GRID1: variants seen among roughly 807,000 people sequenced by gnomAD.
The protein encoded by GRID1 is glutamate receptor ionotropic, delta-1.
Under a neutral mutation model 98.0 loss-of-function variants are expected in GRID1, and 28 were observed. The observed-to-expected ratio is 0.29, with a 90% CI of 0.21 to 0.39. The LOEUF is 0.39. Among genes scored for constraint, GRID1 ranks in the 10% least tolerant of loss-of-function variants. The probability of loss-of-function intolerance (pLI) is 1.00; values close to 1 mark genes in which losing one functional copy is unlikely to be tolerated. For synonymous variants in GRID1, 553 were observed against 538.5 expected, an observed-to-expected ratio of 1.03 and a Z score of -0.37; for missense variants, 1,111 against 1,340.5, an observed-to-expected ratio of 0.83 and a Z score of 2.67.
At chr10:85,643,015 T>C (rs767852915) in intron 13 of GRID1, among the ~76,000 whole-genome samples, 1 of 152,096 alleles carries the variant, frequency 6.6e-6, no homozygotes, top group South Asian at 2.1e-4. Flanking sequence ...CGTGGACAAG[T>C]GATCACTCTA....
chr10:86,030,179 G>A (rs1843167299), intron 4 of GRID1, among the ~76,000 whole-genome samples: 1 of 152,212 alleles, frequency 6.6e-6, no homozygotes, highest in African/African-American at 2.4e-5. Context: ...GCTATGTAAA[G>A]AAGGTTATAA....
At chr10:86,034,417 A>G (rs1429516546) in intron 4 of GRID1, among the ~76,000 whole-genome samples, 2 of 152,188 alleles carry the variant, frequency 1.3e-5, no homozygotes, top group East Asian at 3.8e-4. Flanking sequence ...CACAGAGATC[A>G]CCTCACTGAA....
chr10:85,848,118 T>G (rs542777282), intron 8 of GRID1, among the ~76,000 whole-genome samples: 7 of 152,304 alleles, frequency 4.6e-5, no homozygotes, highest in African/African-American at 1.7e-4. Flanking sequence ...GCAAAAATGT[T>G]TAATATATAT....
chr10:86,273,409 G>T (rs1214133605), intron 2 of GRID1, among the ~76,000 whole-genome samples: 1 of 146,992 alleles, frequency 6.8e-6, no homozygotes, highest in African/African-American at 2.5e-5. Context: ...ATGATTTATA[G>T]TCCTTTGGGT....
At chr10:86,231,555 C>T (rs1380513245) in intron 2 of GRID1, among the ~76,000 whole-genome samples, 1 of 152,172 alleles carries the variant, frequency 6.6e-6, no homozygotes, top group Non-Finnish European at 1.5e-5. Context: ...AGTATTCAAG[C>T]AATGAGACAG....
intron 4 of GRID1, among the ~76,000 whole-genome samples, chr10:86,032,165 G>C (rs61856026): frequency 0.055 from 8,406 of 152,336 alleles, 288 homozygotes; most frequent in Middle Eastern, 0.082. Flanking sequence ...TGAATGGCAT[G>C]TAATAGGTGC....
rs992275466 is a variant in GRID1, at chr10:86,040,334, C to A, written c.726+98485G>T. On this transcript the variant is annotated intron_variant, in intron 4 of 15. Transcript: ENST00000327946. ...TGCTATTCACAATAGTCAAGATAAA[C>A]TTAGTGCCCATCAATGGATGAACAG... 2.6e-5 allele frequency among the ~76,000 whole-genome samples: 4 copies of A among 152,032 alleles called. No homozygotes were observed. In the East Asian group the frequency reaches 5.8e-4, roughly 22 times the overall value.
intron 15 of GRID1, among the ~76,000 whole-genome samples, chr10:85,611,224 T>G (rs1490462497): frequency 1.3e-5 from 2 of 152,164 alleles, no homozygotes; most frequent in African/African-American, 4.8e-5. Context: ...CTCACACACA[T>G]AGACCACAAC....
chr10:85,827,797 G>A (rs1842832958), intron 8 of GRID1, among the ~76,000 whole-genome samples: 1 of 151,886 alleles, frequency 6.6e-6, no homozygotes, highest in Admixed American at 6.6e-5. Flanking sequence ...GGTCTTCTAA[G>A]ACCTTGAAAA....
At chr10:86,279,462 A>G (rs1182561222) in intron 2 of GRID1, among the ~76,000 whole-genome samples, 1 of 152,228 alleles carries the variant, frequency 6.6e-6, no homozygotes, top group Non-Finnish European at 1.5e-5. Flanking sequence ...TTAACTTAAC[A>G]TTTGCAATCA....
At chr10:85,987,149 C>A (rs1842618128) in intron 4 of GRID1, among the ~76,000 whole-genome samples, 1 of 152,106 alleles carries the variant, frequency 6.6e-6, no homozygotes, top group African/African-American at 2.4e-5. Context: ...AGCTTGCCAG[C>A]CACCCAGCCC....
chr10:86,128,286 G>A (rs1177054341), intron 4 of GRID1, among the ~76,000 whole-genome samples: 1 of 152,022 alleles, frequency 6.6e-6, no homozygotes, highest in Non-Finnish European at 1.5e-5. Context: ...ATCTCCCTGG[G>A]GTAGGAAACC....
intron 4 of GRID1, among the ~76,000 whole-genome samples, chr10:86,078,603 A>T (rs987391876): frequency 3.9e-5 from 6 of 152,236 alleles, no homozygotes; most frequent in Non-Finnish European, 7.3e-5. Context: ...TTCCCTGAGC[A>T]AGGAATAAGA....
chr10:86,133,215 G>C (rs947699307), intron 4 of GRID1, among the ~76,000 whole-genome samples: 5 of 151,646 alleles, frequency 3.3e-5, no homozygotes, highest in Admixed American at 2.6e-4. Flanking sequence ...AGGTGCATGT[G>C]TTTGTGTGTG....
intron 4 of GRID1, among the ~76,000 whole-genome samples, chr10:86,069,846 T>C (rs144985898): frequency 6.6e-6 from 1 of 152,230 alleles, no homozygotes; most frequent in East Asian, 1.9e-4. Context: ...GTGTGATGTG[T>C]AGATAAAAAT....
At chr10:86,170,520 T>C (rs1845468852) in intron 3 of GRID1, among the ~76,000 whole-genome samples, 1 of 152,220 alleles carries the variant, frequency 6.6e-6, no homozygotes, top group African/African-American at 2.4e-5. Context: ...ATGGACCTGC[T>C]CTTCTCCCTG....
At chr10:86,175,812 C>T (rs1034585896) in intron 3 of GRID1, among the ~76,000 whole-genome samples, 8 of 152,264 alleles carry the variant, frequency 5.3e-5, no homozygotes, top group African/African-American at 1.2e-4. Context: ...CGGGTTCAAG[C>T]GATTCTCCTG....
At chr10:85,922,982 G>A (rs550939395) in intron 4 of GRID1, among the ~76,000 whole-genome samples, 57 of 152,150 alleles carry the variant, frequency 3.7e-4, no homozygotes, top group Non-Finnish European at 6.8e-4. Flanking sequence ...TTTGGTCTTT[G>A]TTTCACCAGA....
intron 4 of GRID1, among the ~76,000 whole-genome samples, chr10:85,927,338 G>A (rs1031607339): frequency 1.3e-5 from 2 of 152,192 alleles, no homozygotes; most frequent in Admixed American, 6.5e-5. Flanking sequence ...CTTAATACCC[G>A]AGGTGGGAGG....
Sources: allele counts gnomAD v4.1 joint callset (sites outside exome capture counted in the v4.1 genomes callset), GRCh38; gene constraint gnomAD v4.1.1; transcripts MANE v1.5; gene names NCBI Gene and HGNC (gene_info 2026-07-23, HGNC 2026-07-21).